The following CD47 variants were observed in gnomAD, a reference collection of about 807,000 sequenced individuals.
CD47 encodes leukocyte surface antigen CD47.
A neutral mutation model predicts 44.6 loss-of-function variants in CD47; 11 were observed. The ratio of observed to expected loss-of-function variants is 0.25; its 90% confidence interval spans 0.16 to 0.41. The LOEUF is 0.41. Ranked by LOEUF, CD47 falls within the 10% of genes least tolerant of loss-of-function variation. CD47 has a pLI of 1.00. For missense variants in CD47, 306 were observed against 386.7 expected (o/e 0.79, Z 1.75); for synonymous variants, 140 against 136.3 (o/e 1.03, Z -0.19).
At chr3:108,077,954 T>C (rs2079340039) in intron 2 of CD47, among the ~76,000 whole-genome samples, 2 of 152,068 alleles carry the variant, frequency 1.3e-5, no homozygotes, top group Non-Finnish European at 1.5e-5. Context: ...ATGTTTGTTA[T>C]GATGGATAGG....
At chr3:108,068,441 G>A (rs903850499) in intron 3 of CD47, among the ~76,000 whole-genome samples, 2 of 152,162 alleles carry the variant, frequency 1.3e-5, no homozygotes, top group Non-Finnish European at 2.9e-5. Flanking sequence ...TGCAGAATAA[G>A]TAAACAAATC....
At chr3:108,055,440 A>T in intron 7 of CD47, 1 of 775,548 alleles carries the variant, frequency 1.3e-6, no homozygotes, top group Non-Finnish European at 1.9e-6. Flanking sequence ...ATTCAGATTT[A>T]CACAGTCAGA....
intron 1 of CD47, among the ~76,000 whole-genome samples, chr3:108,083,678 C>G (rs1387853378): frequency 1.3e-5 from 2 of 151,974 alleles, no homozygotes; most frequent in African/African-American, 4.8e-5. Flanking sequence ...ATAGTCCCTG[C>G]TCCTCCGGGC....
intron 10 of CD47, among the ~76,000 whole-genome samples, chr3:108,049,088 C>A (rs1055901004): frequency 7.1e-6 from 1 of 141,326 alleles, no homozygotes; most frequent in African/African-American, 2.6e-5. Flanking sequence ...AAGCTGAGGA[C>A]GAAACATCTC....
chr3:108,051,806 G>A (rs1371810662), intron 8 of CD47, 133 bp downstream of exon 8: 3 of 741,930 alleles, frequency 4.0e-6, no homozygotes, highest in African/African-American at 1.7e-5. Context: ...TCATGCAAAG[G>A]TCATGCAATG....
rs1576979846 is a variant in CD47 at position 108,045,535 on chromosome 3, A to C, written c.*1753T>G. On this transcript the variant is annotated 3_prime_UTR_variant, in exon 11 of 11. Transcript: ENST00000361309. ...TGTATATACATACGTATATATAGAT[A>C]TACGTATATATTTGTGTATACATAT... The C allele has an allele frequency of 6.6e-6, 1 of 151,816 alleles. No individual in the cohort carries two copies. The highest frequency in any genetic ancestry group is 2.4e-5 in the African/African-American group (1 of 41,202). 9.4% of individuals were successfully genotyped at this position (151,816 alleles called of 1,614,324 possible).
At chr3:108,072,652 TA>T (rs755451686) in intron 2 of CD47, among the ~76,000 whole-genome samples, 1 of 152,188 alleles carries the variant, frequency 6.6e-6, no homozygotes, top group Non-Finnish European at 1.5e-5. Flanking sequence ...TCCAACTGTA[TA>T]ACTGAATATC....
rs1322485266 is a variant in CD47 at position 108,043,882 on chromosome 3, C to T, written c.*3406G>A. ...CTGCCTGGTCACTCACTGCTCATCT[C>T]TTCAAAGTTACCTGGATTATCCCTA... On this transcript the variant is annotated 3_prime_UTR_variant, in exon 11 of 11. Coordinates refer to ENST00000361309, the MANE Select transcript of CD47 (RefSeq NM_001777.4). 6.6e-6 allele frequency: 1 copy of T among 152,602 alleles called. No individual in the cohort carries two copies. Among genetic ancestry groups the T allele is most frequent in the African/African-American group, 2.4e-5 (1 of 41,454 alleles). 9.5% of individuals were successfully genotyped at this position (152,602 alleles called of 1,614,324 possible).
At chr3:108,050,074 G>T (rs1352520679) in intron 9 of CD47, among the ~76,000 whole-genome samples, 3 of 152,070 alleles carry the variant, frequency 2.0e-5, no homozygotes, top group African/African-American at 7.2e-5. Flanking sequence ...ACAGAATAGT[G>T]CATTTTTCCC....
At chr3:108,087,111 G>A (rs185765025) in intron 1 of CD47, among the ~76,000 whole-genome samples, 5 of 152,294 alleles carry the variant, frequency 3.3e-5, no homozygotes, top group African/African-American at 9.6e-5. Context: ...AGTCTCAGCA[G>A]CCTCTTAGGT....
intron 3 of CD47, among the ~76,000 whole-genome samples, chr3:108,064,917 A>AATTCATTTT (rs1560002152): frequency 6.6e-6 from 1 of 152,240 alleles, no homozygotes; most frequent in Non-Finnish European, 1.5e-5. Flanking sequence ...ACCTTTACAC[A>AATTCATTTT]TAAAATTACA....
rs543975064 is a variant in CD47, at chr3:108,065,744, G to A, written c.491-4892C>T. Reference sequence around the variant, plus strand: ...GAAGAATCGCTTGAACCTGGGAGGCGGAGGTTGCAGTGAGCCGAGATCACG... The same window carrying A: ...GAAGAATCGCTTGAACCTGGGAGGCAGAGGTTGCAGTGAGCCGAGATCACG... On this transcript the variant is annotated intron_variant, in intron 3 of 10. Transcript: ENST00000361309. 2.4e-3 allele frequency among the ~76,000 whole-genome samples: 353 copies of A among 147,720 alleles called. 1 individual carries two copies. Among genetic ancestry groups the A allele is most frequent in the African/African-American group, 8.2e-3 (328 of 40,072 alleles).
chr3:108,071,030 A>G (rs1379116695), intron 3 of CD47, 63 bp downstream of exon 3: 1 of 706,800 alleles, frequency 1.4e-6, no homozygotes, highest in East Asian at 2.8e-5. Flanking sequence ...TTCGCTGACA[A>G]TGTCTCGTAG....
At chr3:108,088,753 T>C (rs1450239160) in intron 1 of CD47, among the ~76,000 whole-genome samples, 1 of 152,232 alleles carries the variant, frequency 6.6e-6, no homozygotes, top group Non-Finnish European at 1.5e-5. Context: ...CTATGCACTT[T>C]TAAACAAAGT....
intron 3 of CD47, 34 bp from the exon 4 acceptor site, chr3:108,060,886 C>G: frequency 1.4e-6 from 2 of 1,390,712 alleles, no homozygotes; most frequent in Non-Finnish European, 2.0e-6. Context: ...TATATGAACT[C>G]AATCACAAGT....
At chr3:108,077,315 C>A (rs1379924533) in intron 2 of CD47, among the ~76,000 whole-genome samples, 3 of 152,064 alleles carry the variant, frequency 2.0e-5, no homozygotes, top group Admixed American at 2.0e-4. Flanking sequence ...CCCATTTAAC[C>A]TTTTTGTGCA....
intron 2 of CD47, 100 bp downstream of exon 2, chr3:108,079,891 T>G (rs546437808): frequency 7.2e-6 from 5 of 693,170 alleles, no homozygotes; most frequent in Non-Finnish European, 1.3e-5. Context: ...CAGCCTGCTT[T>G]TTGATTCAAA....
intron 10 of CD47, among the ~76,000 whole-genome samples, chr3:108,048,412 T>C (rs1559972299): frequency 1.6e-5 from 2 of 128,966 alleles, no homozygotes; most frequent in Non-Finnish European, 3.2e-5. Context: ...TGAGACGGAG[T>C]CTTGCTCTGT....
chr3:108,056,374 GAC>G (rs1319488072), intron 7 of CD47, among the ~76,000 whole-genome samples: 4 of 152,066 alleles, frequency 2.6e-5, no homozygotes, highest in Non-Finnish European at 5.9e-5. Context: ...ATTAAAGAAA[GAC>G]ACAGAATATA....
Sources: gnomAD v4.1 joint callset for allele counts (sites outside exome capture counted in the v4.1 genomes callset) on GRCh38, gnomAD v4.1.1 for gene constraint, MANE v1.5 for transcripts, NCBI Gene and HGNC (gene_info 2026-07-23, HGNC 2026-07-21) for gene names.